Variants in SPG11 observed in about 807,000 individuals in gnomAD.
SPG11 encodes the protein spatacsin.
In SPG11, 222 loss-of-function variants were observed where a neutral mutation model predicts 274.0. That is an observed-to-expected ratio of 0.81 (90% CI 0.73 to 0.91). SPG11 has a LOEUF of 0.91. SPG11 is among the 40% of genes least tolerant of loss of function. SPG11 has a pLI of 0.00. For synonymous variants in SPG11, 1,144 were observed against 1,039.7 expected (o/e 1.10, Z -1.93); for missense variants, 3,114 against 2,872.7 (o/e 1.08, Z -1.92).
At chr15:44,596,055 C>T in intron 25 of SPG11, 28 bp downstream of exon 25, 1 of 1,612,276 alleles carries the variant, frequency 6.2e-7, no homozygotes, top group Non-Finnish European at 8.5e-7. Context: ...TCTCTGGGTA[C>T]TTACTTCAGG....
chr15:44,599,402 C>T (rs1274498275), intron 21 of SPG11, among the ~76,000 whole-genome samples: 2 of 152,064 alleles, frequency 1.3e-5, no homozygotes, highest in East Asian at 1.9e-4. Context: ...CGGGTTCAAG[C>T]GATTCTCCTG....
intron 15 of SPG11, among the ~76,000 whole-genome samples, chr15:44,617,833 G>A (rs146986667): frequency 0.012 from 1,761 of 151,972 alleles, 23 homozygotes; most frequent in Non-Finnish European, 0.016. Flanking sequence ...GTGCCACCAC[G>A]CCCAGCTAAT....
chr15:44,652,351 A>C (rs1360709604), intron 4 of SPG11, 85 bp from the exon 5 acceptor site: 2 of 1,405,506 alleles, frequency 1.4e-6, no homozygotes, highest in African/African-American at 2.9e-5. Context: ...TAAAAATAAG[A>C]GATTACAGAG....
chr15:44,618,778 T>TC, intron 15 of SPG11, among the ~76,000 whole-genome samples: 1 of 149,116 alleles, frequency 6.7e-6, no homozygotes, highest in South Asian at 2.1e-4. Context: ...CAATATCACG[T>TC]CCCTGCACTC....
chr15:44,584,321 C>G lies in SPG11; in HGVS notation c.5359G>C (p.Asp1787His). ...TCCAGCTTATCCAAGGGCACCACGT[C>G]CTCCTGGGCAAGCCAGTGCCCTGCC... ...TLAGHWLAQE[D>H]VVPLDKLEEL... The change falls in exon 30 of 40, where the codon GAC becomes CAC. Residue 1787 changes from aspartate to histidine, a missense_variant. Coordinates refer to ENST00000261866, the MANE Select transcript of SPG11 (RefSeq NM_025137.4). 1 of 1,611,254 alleles carries G rather than the reference C, an allele frequency of 6.2e-7. No individual in the cohort carries two copies.
chr15:44,572,002 C>A (rs2082434905), intron 33 of SPG11, among the ~76,000 whole-genome samples: 1 of 152,192 alleles, frequency 6.6e-6, no homozygotes, highest in Non-Finnish European at 1.5e-5. Flanking sequence ...CTATGTTGCC[C>A]AGATTGGTCT....
intron 19 of SPG11, among the ~76,000 whole-genome samples, chr15:44,607,428 C>G (rs375533720): frequency 6.6e-6 from 1 of 152,094 alleles, no homozygotes; most frequent in African/African-American, 2.4e-5. Context: ...ACTATAGGCA[C>G]GTGCCACCAT....
rs1158804050 is a variant in SPG11, at chr15:44,585,772, G to A, written c.4985C>T (p.Thr1662Ile). Residue 1662 changes from threonine to isoleucine, a missense_variant, in exon 29 of 40, where the codon ACC becomes ATC. By Grantham distance (89) the Thr-to-Ile change is moderately conservative. Coordinates refer to ENST00000261866, the MANE Select transcript of SPG11 (RefSeq NM_025137.4). ...TSIAINHTII[T>I]SYSIENLQHE... Reference sequence around the variant, plus strand: ...CTGAAGATTCTCAATGCTGTAGCTGGTAATAATTGTATGATTAATGGCTAT... The same window carrying A: ...CTGAAGATTCTCAATGCTGTAGCTGATAATAATTGTATGATTAATGGCTAT... The A allele has an allele frequency of 1.2e-6, 2 of 1,613,838 alleles. No individual in the cohort carries two copies. Among genetic ancestry groups the A allele is most frequent in the African/African-American group, 1.3e-5 (1 of 74,866 alleles).
Position 44,663,443 on chromosome 15 carries a change from T to G in SPG11, c.205A>C (p.Thr69Pro). 1 of 1,603,076 alleles carries G rather than the reference T, an allele frequency of 6.2e-7. No individual in the cohort carries two copies. Among genetic ancestry groups the G allele is most frequent in the Non-Finnish European group, 8.5e-7 (1 of 1,175,572 alleles). The change falls in exon 1 of 40, where the codon ACG becomes CCG. Residue 69 changes from threonine to proline, a missense_variant. By Grantham distance (38) the Thr-to-Pro change is conservative. Transcript: ENST00000261866. ...AAGSLQVLSL[T>P]PGSRGGGRCC... is the part of the protein sequence containing the mutation. ...CGACCCCCGCCCCGGCTGCCAGGCG[T>G]CAAAGAAAGCACTTGGAGGCTGCCC...
chr15:44,642,430 A>G (rs1035744388), intron 7 of SPG11, among the ~76,000 whole-genome samples: 1 of 150,582 alleles, frequency 6.6e-6, no homozygotes, highest in Non-Finnish European at 1.5e-5. Context: ...TGTAAAATAT[A>G]TAATTATATA....
At chr15:44,589,963 C>T (rs572490013) in intron 27 of SPG11, among the ~76,000 whole-genome samples, 22 of 152,134 alleles carry the variant, frequency 1.4e-4, no homozygotes, top group Non-Finnish European at 2.9e-4. Flanking sequence ...CACGCCACCA[C>T]GCCTGGCTAA....
rs2083094990 is a variant in SPG11, at chr15:44,598,292, T to C, written c.3974A>G (p.Asn1325Ser). 2.5e-6 allele frequency: 4 copies of C among 1,613,858 alleles called. No individual in the cohort carries two copies. Among genetic ancestry groups the C allele is most frequent in the African/African-American group, 1.3e-5 (1 of 74,946 alleles). Residue 1325 changes from asparagine (N) to serine (S), a missense_variant, in exon 23 of 40, where the codon AAC becomes AGC. By Grantham distance (46) the Asn-to-Ser change is conservative (BLOSUM62 1). Transcript: ENST00000261866. Reference protein sequence around the residue: ...LLVLLEEGTWNSIQQQEIKRL... With the variant: ...LLVLLEEGTWSSIQQQEIKRL... ...CTTTATTTCCTGTTGCTGAATGCTG[T>C]TCCATGTACCTTCTTCTAAGAGAAC...
In SPG11 at chr15:44,605,946, C is replaced by G; in HGVS notation, c.3520+79G>C. ...TTTAAAATAAAAATCAATGAGAAAA[C>G]TAGATTGGCATTACATGTATTAACT... On this transcript the variant is annotated intron_variant, in intron 20 of 39. Coordinates refer to ENST00000261866, the MANE Select transcript of SPG11 (RefSeq NM_025137.4). The G allele has an allele frequency of 5.0e-6, 6 of 1,205,134 alleles. No individual in the cohort carries two copies. The South Asian group carries it at 7.4e-5, about 15-fold the overall frequency. The allele number at this position is 1,205,134 out of a possible 1,614,324, so 74.7% of individuals were successfully genotyped here. A position where few individuals can be genotyped will look rare whatever the true frequency, so the allele number is the denominator to read the frequency against.
intron 7 of SPG11, among the ~76,000 whole-genome samples, chr15:44,648,530 A>T (rs914576842): frequency 5.3e-5 from 8 of 151,640 alleles, no homozygotes; most frequent in African/African-American, 1.9e-4. Flanking sequence ...AAAAAAAAAA[A>T]AAAGTAGGAA....
Position 44,562,767 on chromosome 15 carries a change from C to G in SPG11, c.*354G>C. On this transcript the variant is annotated 3_prime_UTR_variant, in exon 40 of 40. Coordinates refer to ENST00000261866, the MANE Select transcript of SPG11 (RefSeq NM_025137.4). ...TGAAAATGTATCACCTGTTCCTTAA[C>G]TGTGTAAATAATAATTAAATTTCTT... is the stretch of plus-strand genomic sequence containing the variant. The G allele has an allele frequency of 4.5e-6, 1 of 221,376 alleles. No individual in the cohort carries two copies. The highest frequency in any genetic ancestry group is 1.1e-4 in the East Asian group (1 of 9,004). The allele number at this position is 221,376 out of a possible 1,614,324, so 13.7% of individuals were successfully genotyped here. A position where few individuals can be genotyped will look rare whatever the true frequency, so the allele number is the denominator to read the frequency against.
At position 44,566,270 on chromosome 15, in the gene SPG11, G is replaced by C. The variant is rs1264367885; in HGVS notation, c.6790C>G (p.Leu2264Val). ...SLKDGHQLKQLLLKALTLMLD... is the reference protein window; with the variant it reads ...SLKDGHQLKQVLLKALTLMLD... ...ATCAGAGTCAGGGCCTTCAGCAGCAGTTGTTTCAGCTGGTGCCCATCCTTG... is the reference window on the plus strand; with the variant it reads ...ATCAGAGTCAGGGCCTTCAGCAGCACTTGTTTCAGCTGGTGCCCATCCTTG... Residue 2264 changes from leucine to valine, a missense_variant, in exon 37 of 40, where the codon CTG (leucine) becomes GTG (valine). Physicochemically the swap from Leu to Val is conservative, Grantham distance 32 (BLOSUM62 1). Coordinates refer to ENST00000261866, the MANE Select transcript of SPG11 (RefSeq NM_025137.4). 2.5e-6 allele frequency: 4 copies of C among 1,614,112 alleles called. No individual in the cohort carries two copies. Among genetic ancestry groups the C allele is most frequent in the South Asian group, 1.1e-5 (1 of 91,086 alleles).
At position 44,589,414 on chromosome 15, in the gene SPG11, G is replaced by A. The variant is rs1343775101; in HGVS notation, c.4744C>T (p.Leu1582Phe). ...LLEFQKSLET[L>F]NTAATKVHPV... ...TGGACCTTTGTGGCTGCTGTGTTAAGCTATGAAAGAAAAAGAGAAGCTTAG... is the reference window on the plus strand; with the variant it reads ...TGGACCTTTGTGGCTGCTGTGTTAAACTATGAAAGAAAAAGAGAAGCTTAG... The change falls in exon 28 of 40, where the codon CTT (leucine) becomes TTT (phenylalanine). Residue 1582 changes from leucine to phenylalanine, a missense_variant and splice_region_variant. Physicochemically the swap from Leu to Phe is conservative, Grantham distance 22. Transcript: ENST00000261866. 1 of 1,613,926 alleles carries A rather than the reference G, an allele frequency of 6.2e-7. No individual in the cohort carries two copies. The highest frequency in any genetic ancestry group is 1.3e-5 in the African/African-American group (1 of 74,940).
intron 34 of SPG11, 87 bp downstream of exon 34, chr15:44,570,438 T>C: frequency 6.4e-7 from 1 of 1,566,328 alleles, no homozygotes; most frequent in Non-Finnish European, 8.7e-7. Context: ...CCCCTACGAC[T>C]ACATCAGCTC....
chr15:44,608,373 G>T, intron 19 of SPG11, 71 bp downstream of exon 19: 1 of 1,514,014 alleles, frequency 6.6e-7, no homozygotes, highest in Non-Finnish European at 9.2e-7. Flanking sequence ...CCGGTTGAAA[G>T]ATCTAGAGTG....
Sources: gnomAD v4.1 joint callset for allele counts (sites outside exome capture counted in the v4.1 genomes callset) on GRCh38, gnomAD v4.1.1 for gene constraint, MANE v1.5 for transcripts, NCBI Gene and HGNC (gene_info 2026-07-23, HGNC 2026-07-21) for gene names.